Variants in DACH2 observed in about 807,000 individuals in gnomAD.
The protein encoded by DACH2 is dachshund family transcription factor 2, also known as dachshund homolog 2.
In DACH2, 17 loss-of-function variants were observed where a neutral mutation model predicts 35.8. That is an observed-to-expected ratio of 0.48 (90% CI 0.33 to 0.71). The LOEUF (loss-of-function observed/expected upper bound fraction) is 0.71, where lower values mean the gene tolerates loss of function less well. Among genes scored for constraint, DACH2 ranks in the 30% least tolerant of loss-of-function variants. The probability of loss-of-function intolerance (pLI) is 0.02; values close to 1 mark genes in which losing one functional copy is unlikely to be tolerated. For synonymous variants in DACH2, 195 were observed against 177.3 expected (o/e 1.10, Z -0.79); for missense variants, 469 against 472.7 (o/e 0.99, Z 0.07).
chrX:86,331,789 G>A (rs1408038799), intron 1 of DACH2, among the ~76,000 whole-genome samples: 1 of 111,310 alleles, frequency 9.0e-6, no homozygotes, highest in Non-Finnish European at 1.9e-5. Context: ...GGTTTGATAT[G>A]GGGAGGAAGA....
At chrX:86,398,794 A>T (rs1341067095) in intron 2 of DACH2, among the ~76,000 whole-genome samples, 1 of 111,656 alleles carries the variant, frequency 9.0e-6, no homozygotes, top group Non-Finnish European at 1.9e-5. Context: ...TTTGCTGAGG[A>T]GTGCTTTACT....
In DACH2 at chrX:86,398,117, G is replaced by A. The variant is rs1008823896; in HGVS notation, c.527+21255G>A. On this transcript the variant is annotated intron_variant, in intron 2 of 11. Transcript: ENST00000373125. ...CAACTTCTTCCTGGTTTAGTCTTCGGATGGTGTATGTGTCGAGGAATTTAT... is the reference window on the plus strand; with the variant it reads ...CAACTTCTTCCTGGTTTAGTCTTCGAATGGTGTATGTGTCGAGGAATTTAT... Among the ~76,000 whole-genome samples, 4 of 112,027 alleles carry A rather than the reference G, an allele frequency of 3.6e-5. No individual in the cohort carries two copies. The East Asian group carries it at 1.1e-3, about 31-fold the overall frequency.
chrX:86,334,802 C>T (rs1426410496), intron 1 of DACH2, among the ~76,000 whole-genome samples: 1 of 112,064 alleles, frequency 8.9e-6, no homozygotes, highest in Non-Finnish European at 1.9e-5. Context: ...GTTGCCAATG[C>T]TTTTGGTGTT....
chrX:86,541,738 G>A (rs1231456268), intron 3 of DACH2, among the ~76,000 whole-genome samples: 1 of 111,265 alleles, frequency 9.0e-6, no homozygotes, highest in Non-Finnish European at 1.9e-5. Flanking sequence ...TATCTTATTT[G>A]ATCTTAACAA....
At chrX:86,653,334 G>A (rs1357078114) in intron 4 of DACH2, among the ~76,000 whole-genome samples, 13 of 111,515 alleles carry the variant, frequency 1.2e-4, no homozygotes, top group Non-Finnish European at 2.3e-4. Context: ...TACTGTATCC[G>A]TGTAATATAA....
intron 2 of DACH2, among the ~76,000 whole-genome samples, chrX:86,452,771 C>A (rs149455711): frequency 7.0e-3 from 779 of 110,740 alleles, no homozygotes; most frequent in Non-Finnish European, 0.012. Context: ...AAATCAGCTT[C>A]TAGATTCATT....
intron 1 of DACH2, among the ~76,000 whole-genome samples, chrX:86,183,058 C>T (rs1035150698): frequency 5.4e-5 from 6 of 111,909 alleles, no homozygotes; most frequent in African/African-American, 1.9e-4. Flanking sequence ...AGTTGCTTAT[C>T]AGCTTAAGGA....
At chrX:86,825,515 G>T in intron 11 of DACH2, among the ~76,000 whole-genome samples, 1 of 112,195 alleles carries the variant, frequency 8.9e-6, no homozygotes, top group South Asian at 3.7e-4. Context: ...GAGATTTAGA[G>T]AAATGGCATA....
At chrX:86,578,966 C>T (rs1001147129) in intron 3 of DACH2, among the ~76,000 whole-genome samples, 2 of 111,662 alleles carry the variant, frequency 1.8e-5, no homozygotes, top group Admixed American at 9.5e-5. Context: ...ATCGTGGTAT[C>T]GTGACATGAA....
chrX:86,197,843 A>G (rs1307423202), intron 1 of DACH2, among the ~76,000 whole-genome samples: 1 of 111,534 alleles, frequency 9.0e-6, no homozygotes, highest in Non-Finnish European at 1.9e-5. Context: ...TGACAATATC[A>G]GACAGATCAT....
rs113992060 is a variant in DACH2, at chrX:86,208,565, C to G, written c.488+59457C>G. ...AATATTAGCACTATTACTCTGACTGCCATTTTTGTGACCAGTTTTAGCACA... is the reference window on the plus strand; with the variant it reads ...AATATTAGCACTATTACTCTGACTGGCATTTTTGTGACCAGTTTTAGCACA... On this transcript the variant is annotated intron_variant, in intron 1 of 11. Coordinates refer to ENST00000373125, the MANE Select transcript of DACH2 (RefSeq NM_053281.3). Among the ~76,000 whole-genome samples the G allele has an allele frequency of 9.1e-3, 1,011 of 111,295 alleles. 6 individuals carry two copies. Among genetic ancestry groups the G allele is most frequent in the African/African-American group, 0.031 (943 of 30,720 alleles).
At chrX:86,394,626 T>G in intron 2 of DACH2, among the ~76,000 whole-genome samples, 1 of 112,078 alleles carries the variant, frequency 8.9e-6, no homozygotes, top group Admixed American at 9.5e-5. Context: ...TTTTTGTTTG[T>G]AATGCCAAAC....
chrX:86,400,207 C>G (rs1473010337), intron 2 of DACH2, among the ~76,000 whole-genome samples: 1 of 111,904 alleles, frequency 8.9e-6, no homozygotes, highest in East Asian at 2.8e-4. Context: ...TCACGTAATT[C>G]TCATGCCGTG....
chrX:86,400,026 T>G (rs1360269783), intron 2 of DACH2, among the ~76,000 whole-genome samples: 1 of 111,698 alleles, frequency 9.0e-6, no homozygotes, highest in African/African-American at 3.3e-5. Flanking sequence ...ACCAATCAGA[T>G]GTAGATTTGG....
Position 86,205,795 on chromosome X carries a change from G to C in DACH2, c.488+56687G>C, listed in dbSNP as rs1274257102. 4.6e-5 allele frequency among the ~76,000 whole-genome samples: 5 copies of C among 107,978 alleles called. No individual in the cohort carries two copies. In the East Asian group the frequency reaches 1.5e-3, roughly 32 times the overall value. 93.8% of individuals were successfully genotyped at this position (107,978 alleles called of 115,157 possible). A position where few individuals can be genotyped will look rare whatever the true frequency, so the allele number is the denominator to read the frequency against. On this transcript the variant is annotated intron_variant, in intron 1 of 11. Coordinates refer to ENST00000373125, the MANE Select transcript of DACH2 (RefSeq NM_053281.3). Reference sequence around the variant, plus strand: ...TTGCCCAAGTTGACCTCGAATTCCTGACCTCAAGTGATCCTTCCACCTGAG... The same window carrying C: ...TTGCCCAAGTTGACCTCGAATTCCTCACCTCAAGTGATCCTTCCACCTGAG...
At chrX:86,262,268 A>G (rs2033640882) in intron 1 of DACH2, among the ~76,000 whole-genome samples, 1 of 111,451 alleles carries the variant, frequency 9.0e-6, no homozygotes, top group Non-Finnish European at 1.9e-5. Flanking sequence ...AGCCTGGGCA[A>G]TAGAGGGAGA....
chrX:86,305,828 C>T lies in DACH2; in HGVS notation c.489-70996C>T, dbSNP rs370494119. Among the ~76,000 whole-genome samples the T allele has an allele frequency of 3.3e-4, 37 of 111,349 alleles. No individual in the cohort carries two copies. The East Asian group carries it at 4.5e-3, about 14-fold the overall frequency. ...AGATATACAAATGACACATAACCAG[C>T]AGGTATATGACAAAATTTTCAACAT... On this transcript the variant is annotated intron_variant, in intron 1 of 11. Coordinates refer to ENST00000373125, the MANE Select transcript of DACH2 (RefSeq NM_053281.3).
intron 1 of DACH2, among the ~76,000 whole-genome samples, chrX:86,198,287 C>T (rs1020153827): frequency 9.0e-6 from 1 of 111,685 alleles, no homozygotes; most frequent in African/African-American, 3.3e-5. Flanking sequence ...ACATTTATAG[C>T]GATAAACACC....
chrX:86,785,390 G>A lies in DACH2; in HGVS notation c.1241-27466G>A, dbSNP rs1056294123. Among the ~76,000 whole-genome samples, 11 of 111,782 alleles carry A rather than the reference G, an allele frequency of 9.8e-5. 1 individual carries two copies. The highest frequency in any genetic ancestry group is 9.5e-4 in the Admixed American group (10 of 10,477). On this transcript the variant is annotated intron_variant, in intron 7 of 11. Coordinates refer to ENST00000373125, the MANE Select transcript of DACH2 (RefSeq NM_053281.3). ...GATTAAAAAAGAAAAGAAGCCCAAG[G>A]ATTTAGCCCTCAGACATTCCAATGT...
Sources: gnomAD v4.1 joint callset for allele counts (sites outside exome capture counted in the v4.1 genomes callset) on GRCh38, gnomAD v4.1.1 for gene constraint, MANE v1.5 for transcripts, NCBI Gene and HGNC (gene_info 2026-07-23, HGNC 2026-07-21) for gene names.